Variants in BRSK2 observed in about 807,000 individuals in gnomAD.
BRSK2 encodes the protein BR serine/threonine kinase 2, also known as serine/threonine-protein kinase BRSK2.
BRSK2 carries 19 observed loss-of-function variants against 83.3 expected under a neutral mutation model. The observed-to-expected ratio is 0.23, with a 90% CI of 0.16 to 0.33. The LOEUF is 0.33. BRSK2 is among the 10% of genes least tolerant of loss of function. BRSK2 has a pLI of 1.00. For missense variants in BRSK2, 798 were observed against 1,042.3 expected, an observed-to-expected ratio of 0.77 and a Z score of 3.23; for synonymous variants, 519 against 435.4, an observed-to-expected ratio of 1.19 and a Z score of -2.39.
chr11:1,445,297 G>T lies in BRSK2; in HGVS notation c.816G>T (p.Gly272=). 1.2e-6 allele frequency: 2 copies of T among 1,607,422 alleles called. No individual in the cohort carries two copies. Among genetic ancestry groups the T allele is most frequent in the Non-Finnish European group, 1.7e-6 (2 of 1,176,976 alleles). ...EHIQKHIWYI[G]GKNEPEPEQP... ...GTGGCCCGTCCTGTGTCCACAGAGG[G>T]GGCAAGAATGAGCCCGAACCAGAGC... The change falls in exon 10 of 20, where the codon GGG becomes GGT. Residue 272 remains glycine (G), a synonymous_variant. Coordinates refer to ENST00000528841, the MANE Select transcript of BRSK2 (RefSeq NM_001256627.2).
intron 15 of BRSK2, chr11:1,453,819 G>A (rs958228330): frequency 1.3e-5 from 2 of 152,348 alleles, no homozygotes; most frequent in Non-Finnish European, 2.9e-5. Flanking sequence ...GGCAGGGGAC[G>A]CCAGCAGAGC....
At position 1,443,148 on chromosome 11, in the gene BRSK2, G is replaced by A. The variant is rs748815182; in HGVS notation, c.564+9G>A. The A allele has an allele frequency of 6.5e-7, 1 of 1,537,346 alleles. No individual in the cohort carries two copies. The highest frequency in any genetic ancestry group is 1.2e-5 in the South Asian group (1 of 83,874). ...GCCCCGAGGTGATCCGGGTGAGTCA[G>A]CGCCGCCGCGTGCAGCTCTGTGGGG... On this transcript the variant is annotated intron_variant, in intron 6 of 19. Coordinates refer to ENST00000528841, the MANE Select transcript of BRSK2 (RefSeq NM_001256627.2).
chr11:1,404,477 C>T (rs961760357), intron 1 of BRSK2, among the ~76,000 whole-genome samples: 16 of 152,214 alleles, frequency 1.1e-4, no homozygotes, highest in Non-Finnish European at 2.2e-4. Context: ...TCTGTCTTCC[C>T]CTCCGTCCCT....
chr11:1,450,930 C>T, intron 14 of BRSK2, 136 bp downstream of exon 14: 1 of 837,416 alleles, frequency 1.2e-6, no homozygotes, highest in South Asian at 1.9e-5. Flanking sequence ...GCCCACGTCT[C>T]ACTGTCCCGA....
chr11:1,438,907 G>A lies in BRSK2; in HGVS notation c.272+516G>A, dbSNP rs1850732306. Among the ~76,000 whole-genome samples, 1 of 152,158 alleles carries A rather than the reference G, an allele frequency of 6.6e-6. No individual in the cohort carries two copies. The highest frequency in any genetic ancestry group is 2.4e-5 in the African/African-American group (1 of 41,432). On this transcript the variant is annotated intron_variant, in intron 3 of 19. Transcript: ENST00000528841. This position sits in a 1 kb window ranked among gnomAD's most constrained non-coding sequence, Gnocchi z 6.4. ...TGAGGCCAGCAGAAATCCCTACCCT[G>A]TCCCAGGCATGCCTGGCTGTGAACC...
intron 1 of BRSK2, among the ~76,000 whole-genome samples, chr11:1,395,551 G>A (rs772234062): frequency 9.2e-5 from 14 of 152,324 alleles, no homozygotes; most frequent in Non-Finnish European, 1.9e-4. Flanking sequence ...TCCCCTAGGC[G>A]GGGGCGGGAG....
chr11:1,448,121 G>A (rs1369158237), intron 12 of BRSK2, among the ~76,000 whole-genome samples: 1 of 152,194 alleles, frequency 6.6e-6, no homozygotes, highest in Non-Finnish European at 1.5e-5. Flanking sequence ...CTAGAGCCCG[G>A]CGTGGCTGCA....
chr11:1,442,817 T>A lies in BRSK2; in HGVS notation c.530+211T>A, dbSNP rs3902811. Among the ~76,000 whole-genome samples, 3 of 151,876 alleles carry A rather than the reference T, an allele frequency of 2.0e-5. No homozygotes were observed. In the South Asian group the frequency reaches 6.2e-4, roughly 31 times the overall value. The stretch of plus-strand genomic sequence containing the variant: ...CACAGTAAGGGTAGGGGTACAGCCC[T>A]GGCCCTGGCCTGCCTGGGAGAGAGG... On this transcript the variant is annotated intron_variant, in intron 5 of 19. Transcript: ENST00000528841.
intron 1 of BRSK2, among the ~76,000 whole-genome samples, chr11:1,392,243 G>A (rs112326912): frequency 0.011 from 1,641 of 152,308 alleles, 10 homozygotes; most frequent in Middle Eastern, 0.027. Context: ...TCAAGAGGGA[G>A]ATAGGCTTCC....
At chr11:1,434,123 G>A (rs1849955371) in intron 1 of BRSK2, among the ~76,000 whole-genome samples, 1 of 152,260 alleles carries the variant, frequency 6.6e-6, no homozygotes, top group Admixed American at 6.5e-5. Flanking sequence ...GCGTGCACCA[G>A]GATAAAAACG....
In BRSK2 at chr11:1,456,752, G is replaced by T. The variant is rs368278802; in HGVS notation, c.1939+65G>T. On this transcript the variant is annotated intron_variant, in intron 18 of 19. Coordinates refer to ENST00000528841, the MANE Select transcript of BRSK2 (RefSeq NM_001256627.2). ...GTGGGGCGTGGCCAGCTGGTGCTGC[G>T]CGGACGGGAGGCGTGAGGACCCGGG... The T allele has an allele frequency of 9.5e-3, 14,213 of 1,503,028 alleles. 96 individuals carry two copies. Among genetic ancestry groups the T allele is most frequent in the Middle Eastern group, 0.012 (54 of 4,534 alleles). The allele number at this position is 1,503,028 out of a possible 1,614,324, so 93.1% of individuals were successfully genotyped here.
intron 13 of BRSK2, 61 bp from the exon 14 acceptor site, chr11:1,450,526 G>GCC (rs559012736): frequency 7.5e-6 from 6 of 802,344 alleles, no homozygotes; most frequent in South Asian, 5.1e-5. Context: ...CCCTGCGGGT[G>GCC]CCCCCCCGGC....
intron 1 of BRSK2, among the ~76,000 whole-genome samples, chr11:1,393,358 G>A (rs1352103656): frequency 6.6e-6 from 1 of 152,188 alleles, no homozygotes; most frequent in African/African-American, 2.4e-5. Context: ...GGGAGGAGCT[G>A]GAGAACCTCG....
chr11:1,452,494 GAGA>G (rs1564875437), intron 15 of BRSK2, among the ~76,000 whole-genome samples: 2 of 152,330 alleles, frequency 1.3e-5, no homozygotes, highest in African/African-American at 4.8e-5. Context: ...CATCAAAGCC[GAGA>G]AGGTGGCTTT....
chr11:1,399,584 C>G (rs1168441979), intron 1 of BRSK2, among the ~76,000 whole-genome samples: 1 of 152,078 alleles, frequency 6.6e-6, no homozygotes, highest in African/African-American at 2.4e-5. Flanking sequence ...CAGGGCCGCA[C>G]AGTCCCTCGG....
At chr11:1,440,683 G>A (rs564191064) in intron 3 of BRSK2, 105 bp from the exon 4 acceptor site, 65 of 1,421,936 alleles carry the variant, frequency 4.6e-5, no homozygotes, top group Middle Eastern at 2.5e-4. Flanking sequence ...GGATGGGGGC[G>A]GCCTGCAGAG....
At chr11:1,434,417 G>T (rs1590496912) in intron 1 of BRSK2, among the ~76,000 whole-genome samples, 1 of 148,550 alleles carries the variant, frequency 6.7e-6, no homozygotes, top group East Asian at 2.0e-4. Context: ...GTGTCTGGGG[G>T]CACCTAGGAG....
chr11:1,402,415 C>T (rs763120324), intron 1 of BRSK2, among the ~76,000 whole-genome samples: 9 of 152,216 alleles, frequency 5.9e-5, no homozygotes, highest in Non-Finnish European at 1.0e-4. Context: ...GAGCTACTGC[C>T]GCAAACTCAG....
At chr11:1,448,545 C>T (rs576966621) in intron 12 of BRSK2, among the ~76,000 whole-genome samples, 1 of 152,026 alleles carries the variant, frequency 6.6e-6, no homozygotes, top group Admixed American at 6.5e-5. Context: ...GCCCCTCCAC[C>T]CCGGGGTTTC....
Sources: allele counts gnomAD v4.1 joint callset (sites outside exome capture counted in the v4.1 genomes callset), GRCh38; gene constraint gnomAD v4.1.1; non-coding constraint Gnocchi (gnomAD v3.1); transcripts MANE v1.5; gene names NCBI Gene and HGNC (gene_info 2026-07-23, HGNC 2026-07-21).